The following HYCC2 variants were observed in gnomAD, a reference collection of about 807,000 sequenced individuals.
The protein encoded by HYCC2 is hyccin PI4KA lipid kinase complex subunit 2.
the HYCC2 span, among the ~76,000 whole-genome samples, chr2:201,003,774 G>A: frequency 2.7e-4 from 40 of 146,446 alleles, 1 homozygote; most frequent in South Asian, 1.1e-3. Context: ...GCAGTTTGCC[G>A]CTATGTTTGG....
At chr2:201,012,393 G>A in the HYCC2 span, among the ~76,000 whole-genome samples, 2 of 151,770 alleles carry the variant, frequency 1.3e-5, no homozygotes, top group Admixed American at 6.6e-5. Flanking sequence ...CCTTGGAGGT[G>A]GAAGTTGCAG....
At chr2:201,070,435 C>CT in the HYCC2 span, among the ~76,000 whole-genome samples, 5 of 152,060 alleles carry the variant, frequency 3.3e-5, no homozygotes, top group Non-Finnish European at 7.4e-5. Context: ...GGCGGATCAT[C>CT]TGACGTCCGG....
At chr2:201,004,243 C>A in the HYCC2 span, among the ~76,000 whole-genome samples, 3 of 152,192 alleles carry the variant, frequency 2.0e-5, no homozygotes. Context: ...ATGGAAATCA[C>A]TATGGGAATT....
chr2:200,985,727 T>A, the HYCC2 span, among the ~76,000 whole-genome samples: 1 of 152,142 alleles, frequency 6.6e-6, no homozygotes, highest in Admixed American at 6.6e-5. Context: ...AACATTCCTC[T>A]TTCCTTGTGG....
At chr2:201,059,520 G>C in the HYCC2 span, among the ~76,000 whole-genome samples, 17 of 152,132 alleles carry the variant, frequency 1.1e-4, no homozygotes, top group African/African-American at 2.9e-4. Context: ...TAATGACAGA[G>C]AGTGACTCTT....
chr2:201,036,053 A>C, the HYCC2 span, among the ~76,000 whole-genome samples: 1 of 152,128 alleles, frequency 6.6e-6, no homozygotes, highest in African/African-American at 2.4e-5. Context: ...AAAAATGATA[A>C]AGGGGATATC....
chr2:201,061,606 TTGAAGTCTTTCATACTTA>T, the HYCC2 span, among the ~76,000 whole-genome samples: 20 of 151,748 alleles, frequency 1.3e-4, 1 homozygote, highest in Admixed American at 9.8e-4. Context: ...TGGCTGCCAC[TTGAAGTCTTTCATACTTA>T]TAGTTTTTTT....
chr2:201,056,734 T>C, the HYCC2 span, among the ~76,000 whole-genome samples: 11 of 149,454 alleles, frequency 7.4e-5, no homozygotes, highest in Non-Finnish European at 1.5e-4. Flanking sequence ...GCAAATTCGG[T>C]GGTATTCAAA....
At chr2:201,066,223 A>G in the HYCC2 span, among the ~76,000 whole-genome samples, 1 of 152,176 alleles carries the variant, frequency 6.6e-6, no homozygotes, top group Non-Finnish European at 1.5e-5. Context: ...ACAGGTGTGC[A>G]CCACCGTGCC....
chr2:201,034,850 T>C, the HYCC2 span, among the ~76,000 whole-genome samples: 2 of 152,230 alleles, frequency 1.3e-5, no homozygotes, highest in African/African-American at 4.8e-5. Context: ...TTATTTCTCC[T>C]TCACTTATGA....
chr2:201,070,273 G>A, the HYCC2 span, among the ~76,000 whole-genome samples: 5 of 152,084 alleles, frequency 3.3e-5, no homozygotes, highest in Admixed American at 6.5e-5. Flanking sequence ...GCCTCTGTCC[G>A]AGAGGTTCAG....
the HYCC2 span, among the ~76,000 whole-genome samples, chr2:201,035,474 T>C: frequency 2.0e-5 from 3 of 152,354 alleles, no homozygotes; most frequent in East Asian, 5.8e-4. Context: ...AGGACTTCTC[T>C]GCATTGGTTA....
At chr2:201,011,503 A>T in the HYCC2 span, 2 of 1,105,088 alleles carry the variant, frequency 1.8e-6, no homozygotes, top group South Asian at 2.0e-5. Context: ...AAGATAATGA[A>T]ATAATCACAG....
chr2:201,054,160 A>C, the HYCC2 span, among the ~76,000 whole-genome samples: 1 of 152,174 alleles, frequency 6.6e-6, no homozygotes, highest in Non-Finnish European at 1.5e-5. Flanking sequence ...AAGCCCTTAA[A>C]ATCTCATTAG....
chr2:201,033,149 ATGTGTGTGTATGTGTG>A, the HYCC2 span, among the ~76,000 whole-genome samples: 1 of 114,860 alleles, frequency 8.7e-6, no homozygotes, highest in African/African-American at 3.5e-5. Flanking sequence ...AGCTATTTGT[ATGTGTGTGTATGTGTG>A]TGTGTGTGTG....
At chr2:201,034,815 C>T in the HYCC2 span, among the ~76,000 whole-genome samples, 4 of 152,220 alleles carry the variant, frequency 2.6e-5, no homozygotes, top group African/African-American at 4.8e-5. Flanking sequence ...GTGACAAAAT[C>T]TCTCAGCATT....
chr2:201,050,124 G>A, the HYCC2 span, among the ~76,000 whole-genome samples: 1,713 of 151,812 alleles, frequency 0.011, 17 homozygotes, highest in Non-Finnish European at 0.017. Flanking sequence ...TGAGGTGGGA[G>A]GATTGCTTGA....
the HYCC2 span, among the ~76,000 whole-genome samples, chr2:201,058,016 C>T: frequency 6.6e-6 from 1 of 152,200 alleles, no homozygotes; most frequent in Non-Finnish European, 1.5e-5. Context: ...CTCACCAATG[C>T]TGATCTACAA....
chr2:201,021,911 T>C, the HYCC2 span: 1 of 400,750 alleles, frequency 2.5e-6, no homozygotes, highest in Non-Finnish European at 4.8e-6. Flanking sequence ...CTGCAATTGC[T>C]GCTACAAATA....
Sources: gnomAD v4.1 joint callset for allele counts (sites outside exome capture counted in the v4.1 genomes callset) on GRCh38, gnomAD v4.1.1 for gene constraint, MANE v1.5 for transcripts, NCBI Gene and HGNC (gene_info 2026-07-23, HGNC 2026-07-21) for gene names.